Variants in KALRN observed in about 807,000 individuals in gnomAD.
The protein encoded by KALRN is kalirin.
In KALRN, 70 loss-of-function variants were observed where a neutral mutation model predicts 353.7. That is an observed-to-expected ratio of 0.20 (90% CI 0.16 to 0.24). The LOEUF (loss-of-function observed/expected upper bound fraction) is 0.24. Ranked by LOEUF, KALRN falls within the 10% of genes least tolerant of loss-of-function variation. The pLI is 1.00. For synonymous variants in KALRN, 1,391 were observed against 1,434.8 expected (o/e 0.97, Z 0.69); for missense variants, 2,791 against 3,756.7 (o/e 0.74, Z 6.72).
chr3:124,634,629 C>A (rs777904148), intron 36 of KALRN, among the ~76,000 whole-genome samples: 2 of 152,178 alleles, frequency 1.3e-5, no homozygotes, highest in Non-Finnish European at 2.9e-5. Flanking sequence ...GGTACTGACC[C>A]GAGGCTTGGG....
At chr3:124,400,019 C>T (rs1338408295) in intron 13 of KALRN, among the ~76,000 whole-genome samples, 1 of 152,138 alleles carries the variant, frequency 6.6e-6, no homozygotes, top group African/African-American at 2.4e-5. Flanking sequence ...ACTTTCCACC[C>T]ACCATTTCTT....
chr3:124,235,776 G>A (rs1001479689), intron 3 of KALRN, among the ~76,000 whole-genome samples: 5 of 152,212 alleles, frequency 3.3e-5, no homozygotes, highest in Admixed American at 2.6e-4. Flanking sequence ...CCTGTGAAAT[G>A]TTTGTTGTGG....
At chr3:124,573,546 G>A (rs979411013) in intron 34 of KALRN, among the ~76,000 whole-genome samples, 2 of 152,058 alleles carry the variant, frequency 1.3e-5, no homozygotes, top group African/African-American at 4.8e-5. Context: ...CTATTACCCA[G>A]GCTGGAGTTC....
intron 53 of KALRN, 97 bp downstream of exon 53, chr3:124,694,600 G>A (rs2061968702): frequency 1.1e-5 from 13 of 1,223,268 alleles, no homozygotes; most frequent in Admixed American, 2.0e-5. Flanking sequence ...TGGTGACTGG[G>A]CTCTGCAAGA....
chr3:124,566,362 G>T (rs2072829557), intron 34 of KALRN, among the ~76,000 whole-genome samples: 1 of 152,092 alleles, frequency 6.6e-6, no homozygotes, highest in African/African-American at 2.4e-5. Context: ...AATTAGCCAG[G>T]TGGGGTGGTG....
intron 56 of KALRN, 40 bp downstream of exon 56, chr3:124,700,073 T>C (rs761901020): frequency 1.4e-5 from 22 of 1,603,248 alleles, no homozygotes; most frequent in Non-Finnish European, 1.8e-5. Flanking sequence ...GGCAGTGGGA[T>C]TGAGGCACCT....
intron 10 of KALRN, among the ~76,000 whole-genome samples, chr3:124,381,378 T>C (rs1250690527): frequency 2.6e-5 from 4 of 152,150 alleles, no homozygotes; most frequent in Non-Finnish European, 5.9e-5. Flanking sequence ...AGGGAAAAAG[T>C]GTCAGGTGAA....
chr3:124,408,790 A>G (rs1448132077), intron 13 of KALRN, among the ~76,000 whole-genome samples: 1 of 152,178 alleles, frequency 6.6e-6, no homozygotes, highest in Non-Finnish European at 1.5e-5. Context: ...AAGAGGGACT[A>G]TAGCTTTCTC....
intron 1 of KALRN, among the ~76,000 whole-genome samples, chr3:124,169,179 A>G (rs904490155): frequency 3.3e-5 from 5 of 152,334 alleles, no homozygotes; most frequent in African/African-American, 1.2e-4. Context: ...GGCTTTGCAC[A>G]TTGAGGCACA....
At chr3:124,095,095 C>T (rs1045967145) in intron 1 of KALRN, among the ~76,000 whole-genome samples, 1 of 152,056 alleles carries the variant, frequency 6.6e-6, no homozygotes, top group Admixed American at 6.5e-5. Context: ...ACATGTATGA[C>T]CCAGCTGGGA....
intron 1 of KALRN, among the ~76,000 whole-genome samples, chr3:124,112,003 ATTAAGGC>A (rs140494592): frequency 0.086 from 13,125 of 152,096 alleles, 569 homozygotes; most frequent in Middle Eastern, 0.12. Flanking sequence ...GAAAGAAAAT[ATTAAGGC>A]TTAAGAATCC....
intron 3 of KALRN, among the ~76,000 whole-genome samples, chr3:124,262,856 A>C (rs1220527031): frequency 6.6e-6 from 1 of 152,254 alleles, no homozygotes; most frequent in Non-Finnish European, 1.5e-5. Context: ...GTCAGGTAAC[A>C]TACATAGTGG....
chr3:124,340,636 T>C (rs1484020820), intron 9 of KALRN, among the ~76,000 whole-genome samples: 1 of 152,032 alleles, frequency 6.6e-6, no homozygotes, highest in African/African-American at 2.4e-5. Flanking sequence ...TATACAGAGA[T>C]TGTTTGTTAA....
At chr3:124,093,134 C>T (rs1043613294) in intron 1 of KALRN, among the ~76,000 whole-genome samples, 8 of 152,194 alleles carry the variant, frequency 5.3e-5, no homozygotes, top group Non-Finnish European at 1.2e-4. Flanking sequence ...ACTCTGCTTG[C>T]TTTCTCCCTC....
rs543182841 is a variant in KALRN at position 124,588,154 on chromosome 3, A to G, written c.5182+25065A>G. On this transcript the variant is annotated intron_variant, in intron 34 of 59. Transcript: ENST00000682506. ...AGGAAGAAAGAAGGCAAATGCATTT[A>G]TAACTGCCTTTTTGAAGGTGAAAAA... 3.9e-5 allele frequency among the ~76,000 whole-genome samples: 6 copies of G among 152,350 alleles called. No homozygotes were observed. The South Asian group carries it at 1.0e-3, about 26-fold the overall frequency.
intron 2 of KALRN, 151 bp downstream of exon 2, chr3:124,228,215 G>C: frequency 1.4e-6 from 1 of 727,458 alleles, no homozygotes; most frequent in South Asian, 1.6e-5. Context: ...GAGGCAGATG[G>C]GGAGGGAGAA....
intron 1 of KALRN, among the ~76,000 whole-genome samples, chr3:124,093,105 G>A (rs2061220052): frequency 6.6e-6 from 1 of 152,198 alleles, no homozygotes; most frequent in Non-Finnish European, 1.5e-5. Flanking sequence ...GGGGGCAGGG[G>A]CAGGCGGTGG....
At chr3:124,655,530 T>G (rs1405535081) in intron 38 of KALRN, 71 bp from the exon 39 acceptor site, 1 of 1,260,804 alleles carries the variant, frequency 7.9e-7, no homozygotes, top group Non-Finnish European at 1.2e-6. Flanking sequence ...GTAACTTTTC[T>G]GTGAACTTAA....
chr3:124,077,313 AAGCTTTTGCAGGT>A (rs2060306824), intron 1 of KALRN, among the ~76,000 whole-genome samples: 2 of 152,178 alleles, frequency 1.3e-5, no homozygotes, highest in South Asian at 4.1e-4. Context: ...GGAAGTCAGG[AAGCTTTTGCAGGT>A]AGCAGCAATG....
Sources: gnomAD v4.1 joint callset for allele counts (sites outside exome capture counted in the v4.1 genomes callset) on GRCh38, gnomAD v4.1.1 for gene constraint, MANE v1.5 for transcripts, NCBI Gene and HGNC (gene_info 2026-07-23, HGNC 2026-07-21) for gene names.